Variants in NEO1 observed in about 807,000 individuals in gnomAD.
NEO1 encodes neogenin 1.
In NEO1, 63 loss-of-function variants were observed where a neutral mutation model predicts 159.7. The observed-to-expected ratio is 0.39, with a 90% CI of 0.32 to 0.49. The LOEUF is 0.49. Ranked by LOEUF, NEO1 falls within the 20% of genes least tolerant of loss-of-function variation. The pLI, the probability that NEO1 is intolerant of heterozygous loss-of-function variation, is 0.85. For missense variants in NEO1, 1,615 were observed against 1,831.0 expected (o/e 0.88, Z 2.15); for synonymous variants, 633 against 662.0 (o/e 0.96, Z 0.67).
chr15:73,052,849 C>G (rs2067520217), intron 1 of NEO1, 44 bp downstream of exon 1: 3 of 355,698 alleles, frequency 8.4e-6, no homozygotes, highest in Non-Finnish European at 1.2e-5. Context: ...GGGCGCGGCA[C>G]CGGCTCAGGC....
chr15:73,233,680 C>T (rs1024002789), intron 7 of NEO1, among the ~76,000 whole-genome samples: 5 of 152,184 alleles, frequency 3.3e-5, no homozygotes, highest in African/African-American at 9.6e-5. Context: ...TATGGAAGTT[C>T]AGTAGGGTAA....
intron 5 of NEO1, 48 bp downstream of exon 5, chr15:73,136,075 G>A: frequency 6.6e-7 from 1 of 1,513,696 alleles, no homozygotes; most frequent in Non-Finnish European, 8.8e-7. Context: ...GTACTTTCTG[G>A]GTCTGCTAAT....
chr15:73,232,469 T>C (rs1273489146), intron 7 of NEO1, among the ~76,000 whole-genome samples: 6 of 152,196 alleles, frequency 3.9e-5, no homozygotes, highest in African/African-American at 7.2e-5. Context: ...GGGGAGTGCA[T>C]TCAAAATCTG....
chr15:73,102,089 C>A (rs1488772431), intron 1 of NEO1, among the ~76,000 whole-genome samples: 2 of 152,164 alleles, frequency 1.3e-5, no homozygotes, highest in Non-Finnish European at 2.9e-5. Context: ...GAATTTTAGT[C>A]CAGGTGCGGT....
intron 7 of NEO1, among the ~76,000 whole-genome samples, chr15:73,198,266 A>G (rs2036652672): frequency 6.6e-6 from 1 of 152,082 alleles, no homozygotes; most frequent in Non-Finnish European, 1.5e-5. Flanking sequence ...TGTTTCTCAT[A>G]TACTGTACAT....
intron 5 of NEO1, among the ~76,000 whole-genome samples, chr15:73,148,053 TCCAC>T (rs2033071575): frequency 6.6e-6 from 1 of 152,112 alleles, no homozygotes; most frequent in Non-Finnish European, 1.5e-5. Flanking sequence ...CCTCAAGTGA[TCCAC>T]CCACCCCGGC....
intron 12 of NEO1, among the ~76,000 whole-genome samples, chr15:73,254,030 G>A (rs187325994): frequency 2.0e-5 from 3 of 152,250 alleles, no homozygotes; most frequent in Admixed American, 2.0e-4. Context: ...GTCCTTTCAG[G>A]AAGTACTGTA....
rs1222006366 is a variant in NEO1 at position 73,288,400 on chromosome 15, T to C, written c.3498T>C (p.His1166=). ...TGAAACCTCCAGATCTCTGGATCCATCATGAGAGACTGGAGCTGAAACCCA... is the reference window on the plus strand; with the variant it reads ...TGAAACCTCCAGATCTCTGGATCCACCATGAGAGACTGGAGCTGAAACCCA... The part of the protein sequence containing the change: ...KDVKPPDLWI[H]HERLELKPID... Residue 1166 remains histidine, a synonymous_variant, in exon 24 of 29, where the codon CAT becomes CAC. Transcript: ENST00000261908. The C allele has an allele frequency of 6.2e-7, 1 of 1,614,024 alleles. No individual in the cohort carries two copies.
intron 7 of NEO1, among the ~76,000 whole-genome samples, chr15:73,213,054 C>T (rs1035552041): frequency 4.1e-4 from 63 of 152,064 alleles, no homozygotes; most frequent in African/African-American, 1.5e-3. Context: ...TCTTTGTATA[C>T]TTCTTAAACT....
At chr15:73,260,133 C>A in intron 14 of NEO1, 138 bp from the exon 15 acceptor site, 4 of 511,092 alleles carry the variant, frequency 7.8e-6, no homozygotes, top group Non-Finnish European at 9.6e-6. Flanking sequence ...CATACAGATT[C>A]TTTTTGAACT....
At chr15:73,056,295 C>T (rs1319268347) in intron 1 of NEO1, among the ~76,000 whole-genome samples, 1 of 152,244 alleles carries the variant, frequency 6.6e-6, no homozygotes, top group Admixed American at 6.5e-5. Flanking sequence ...CTCACCTTGT[C>T]CACTTCTGAA....
intron 5 of NEO1, among the ~76,000 whole-genome samples, chr15:73,150,957 GTT>G (rs2033322319): frequency 6.6e-6 from 1 of 152,206 alleles, no homozygotes; most frequent in Non-Finnish European, 1.5e-5. Context: ...GTCCATCCAT[GTT>G]GCTGCTTGTA....
At chr15:73,108,697 C>T (rs11856383) in intron 1 of NEO1, among the ~76,000 whole-genome samples, 20,055 of 152,032 alleles carry the variant, frequency 0.13, 2,040 homozygotes, top group African/African-American at 0.28. Flanking sequence ...TTACACATAG[C>T]GTAGAAGGAT....
intron 5 of NEO1, among the ~76,000 whole-genome samples, chr15:73,168,357 T>C (rs1703469912): frequency 1.1e-5 from 1 of 91,746 alleles, no homozygotes; most frequent in African/African-American, 4.5e-5. Flanking sequence ...CTAATTTTTG[T>C]ATTTTTAGTA....
intron 1 of NEO1, among the ~76,000 whole-genome samples, chr15:73,062,174 A>G (rs935306967): frequency 1.3e-5 from 2 of 152,272 alleles, no homozygotes; most frequent in South Asian, 2.1e-4. Flanking sequence ...TTGCCAACAT[A>G]TTGGTTATTT....
chr15:73,274,693 G>A lies in NEO1; in HGVS notation c.3162G>A (p.Ala1054=), dbSNP rs769600420. The stretch of plus-strand genomic sequence containing the variant: ...CTTCCCCTGTGCTTGGCCTGTTAGC[G>A]GACTCCTCTGATAAAATGCCTAATG... ...SEAVQFRTPK[A]DSSDKMPNDQ... The change falls in exon 21 of 29, where the codon GCG becomes GCA. Residue 1054 remains alanine (A), a splice_region_variant and synonymous_variant. Coordinates refer to ENST00000261908, the MANE Select transcript of NEO1 (RefSeq NM_002499.4). The A allele has an allele frequency of 1.7e-5, 27 of 1,613,630 alleles. No individual in the cohort carries two copies. The highest frequency in any genetic ancestry group is 1.2e-4 in the Admixed American group (7 of 59,974).
intron 7 of NEO1, among the ~76,000 whole-genome samples, chr15:73,228,479 T>TTA (rs1567542424): frequency 5.3e-5 from 8 of 150,600 alleles, no homozygotes; most frequent in Non-Finnish European, 7.4e-5. Flanking sequence ...TTTTTTTTTT[T>TTA]ATCAGATACA....
At chr15:73,215,833 T>C (rs143912449) in intron 7 of NEO1, among the ~76,000 whole-genome samples, 3 of 152,290 alleles carry the variant, frequency 2.0e-5, no homozygotes, top group Admixed American at 6.5e-5. Context: ...TTCTCAATAT[T>C]GTGGAATAGT....
intron 1 of NEO1, among the ~76,000 whole-genome samples, chr15:73,091,180 A>G (rs547170279): frequency 2.0e-5 from 3 of 152,302 alleles, no homozygotes; most frequent in South Asian, 2.1e-4. Flanking sequence ...TCCTGGTTGT[A>G]TATTTAATTT....
Sources: allele counts gnomAD v4.1 joint callset (sites outside exome capture counted in the v4.1 genomes callset), GRCh38; gene constraint gnomAD v4.1.1; transcripts MANE v1.5; gene names NCBI Gene and HGNC (gene_info 2026-07-23, HGNC 2026-07-21).